The following STARD8 variants were observed in gnomAD, a reference collection of about 807,000 sequenced individuals.
STARD8 encodes the protein stAR-related lipid transfer protein 8.
STARD8 carries 25 observed loss-of-function variants against 69.4 expected under a neutral mutation model. The ratio of observed to expected loss-of-function variants is 0.36; its 90% CI spans 0.26 to 0.50. The LOEUF is 0.50. STARD8 is among the 20% of genes least tolerant of loss of function. The probability of loss-of-function intolerance (pLI) is 0.96; values close to 1 mark genes in which losing one functional copy is unlikely to be tolerated. For synonymous variants in STARD8, 389 were observed against 374.6 expected (o/e 1.04, Z -0.45); for missense variants, 921 against 932.5 (o/e 0.99, Z 0.16).
chrX:68,708,716 G>A (rs1272151676), intron 2 of STARD8, among the ~76,000 whole-genome samples: 1 of 112,258 alleles, frequency 8.9e-6, no homozygotes, highest in Non-Finnish European at 1.9e-5. Context: ...GACCTATCCT[G>A]GCACATCACC....
chrX:68,720,282 G>A lies in STARD8; in HGVS notation c.1908G>A (p.Met636Ile), dbSNP rs2080135548. 8.3e-7 allele frequency: 1 copy of A among 1,201,563 alleles called. No individual in the cohort carries two copies. Among genetic ancestry groups the A allele is most frequent in the South Asian group, 1.8e-5 (1 of 54,952 alleles). ...QGWVWSMPKF[M>I]RRNKTPDYRG... ...CAAACAGGTCAATGCCCAAGTTCATGAGGAGGAACAAGACCCCAGATTACC... is the reference window on the plus strand; with the variant it reads ...CAAACAGGTCAATGCCCAAGTTCATAAGGAGGAACAAGACCCCAGATTACC... Residue 636 changes from methionine to isoleucine, a missense_variant, in exon 8 of 15, where the codon ATG becomes ATA. Physicochemically the swap from Met to Ile is conservative, Grantham distance 10. Coordinates refer to ENST00000374599, the MANE Select transcript of STARD8 (RefSeq NM_001142503.3).
chrX:68,653,318 CCACA>C (rs1425820607), intron 1 of STARD8, among the ~76,000 whole-genome samples: 1 of 38,738 alleles, frequency 2.6e-5, no homozygotes, highest in Non-Finnish European at 4.8e-5. Context: ...ACACCACACA[CCACA>C]CACACACACC....
intron 1 of STARD8, 45 bp from the exon 2 acceptor site, chrX:68,665,454 T>C (rs2079677277): frequency 2.5e-6 from 3 of 1,185,930 alleles, no homozygotes; most frequent in Non-Finnish European, 3.4e-6. Context: ...AGTTCAGATA[T>C]TGCATCTCTG....
intron 1 of STARD8, among the ~76,000 whole-genome samples, chrX:68,661,990 TTCTTTCTTTCTTTC>T (rs2079652886): frequency 1.2e-5 from 1 of 86,106 alleles, no homozygotes; most frequent in Non-Finnish European, 2.2e-5. Flanking sequence ...CTTTCTTTCT[TTCTTTCTTTCTTTC>T]TTTCTTTCTT....
chrX:68,670,404 G>A (rs1200822119), intron 2 of STARD8, among the ~76,000 whole-genome samples: 1 of 111,774 alleles, frequency 8.9e-6, no homozygotes, highest in African/African-American at 3.3e-5. Context: ...ATTTCAAGGT[G>A]TTCTTTGGGA....
intron 1 of STARD8, among the ~76,000 whole-genome samples, chrX:68,665,275 T>C (rs913984021): frequency 2.7e-5 from 3 of 111,989 alleles, no homozygotes; most frequent in Non-Finnish European, 3.8e-5. Flanking sequence ...ACCAGCAGGA[T>C]CAGCCATGGG....
At chrX:68,657,186 G>A (rs1432239438) in intron 1 of STARD8, among the ~76,000 whole-genome samples, 3 of 111,512 alleles carry the variant, frequency 2.7e-5, no homozygotes, top group African/African-American at 9.8e-5. Context: ...GTACACTGGG[G>A]AGAATGATAA....
chrX:68,671,732 A>G, intron 2 of STARD8, among the ~76,000 whole-genome samples: 1 of 112,037 alleles, frequency 8.9e-6, no homozygotes, highest in East Asian at 2.8e-4. Context: ...TGTAAAACAC[A>G]TTTTCACCAA....
At chrX:68,717,069 C>G in intron 5 of STARD8, 143 bp from the exon 6 acceptor site, 2 of 975,297 alleles carry the variant, frequency 2.1e-6, no homozygotes, top group Non-Finnish European at 1.3e-6. Flanking sequence ...AGAGCTAGCT[C>G]TCCCCACCTA....
chrX:68,699,401 T>C (rs1291369137), intron 2 of STARD8, among the ~76,000 whole-genome samples: 2 of 112,554 alleles, frequency 1.8e-5, no homozygotes, highest in African/African-American at 6.5e-5. Context: ...TTCAAGCAAG[T>C]TGCTTTCGTC....
Position 68,724,117 on chromosome X carries a change from C to G in STARD8, c.3190C>G (p.Leu1064Val). 8.3e-7 allele frequency: 1 copy of G among 1,209,754 alleles called. No homozygotes were observed. Among genetic ancestry groups the G allele is most frequent in the South Asian group, 1.8e-5 (1 of 56,706 alleles). The stretch of plus-strand genomic sequence containing the variant: ...GCTCACACACATCTGCCGGGCTGAC[C>G]TCAGGTATCAGGCCTGGGACAGCCT... ...SRLTHICRADLRGRSPDWYNK... is the reference protein window; with the variant it reads ...SRLTHICRADVRGRSPDWYNK... The change falls in exon 14 of 15, where the codon CTC becomes GTC. Residue 1064 changes from leucine (L) to valine (V), a missense_variant. Transcript: ENST00000374599.
chrX:68,707,808 C>T (rs1014707254), intron 2 of STARD8, among the ~76,000 whole-genome samples: 1 of 111,517 alleles, frequency 9.0e-6, no homozygotes, highest in Admixed American at 9.5e-5. Context: ...GAACCCAGGA[C>T]CGGGCAGCTC....
Position 68,720,813 on chromosome X carries a change from G to T in STARD8, c.2050-111G>T, listed in dbSNP as rs1602616792. Reference sequence around the variant, plus strand: ...CCCCTCAGGAGGCCTGATAAGCTTTGAAGTCTCTGGGGTGGCCTAGGCTCC... The same window carrying T: ...CCCCTCAGGAGGCCTGATAAGCTTTTAAGTCTCTGGGGTGGCCTAGGCTCC... On this transcript the variant is annotated intron_variant, in intron 8 of 14. Coordinates refer to ENST00000374599, the MANE Select transcript of STARD8 (RefSeq NM_001142503.3). The T allele has an allele frequency of 8.3e-6, 6 of 721,747 alleles. No individual in the cohort carries two copies. The African/African-American group carries it at 1.3e-4, about 16-fold the overall frequency. The allele number at this position is 721,747 out of a possible 1,213,427, so 59.5% of individuals were successfully genotyped here.
intron 2 of STARD8, among the ~76,000 whole-genome samples, chrX:68,703,577 A>C (rs1238948648): frequency 8.9e-6 from 1 of 111,902 alleles, no homozygotes; most frequent in Non-Finnish European, 1.9e-5. Flanking sequence ...TCTCAGGCCC[A>C]TTTCCTTTCT....
chrX:68,651,000 T>C (rs1014684484), intron 1 of STARD8, among the ~76,000 whole-genome samples: 1 of 112,260 alleles, frequency 8.9e-6, no homozygotes, highest in African/African-American at 3.2e-5. Flanking sequence ...CATTCAAGTG[T>C]GCATACACAC....
chrX:68,695,376 C>T (rs1480162633), intron 2 of STARD8, among the ~76,000 whole-genome samples: 1 of 111,013 alleles, frequency 9.0e-6, no homozygotes, highest in Non-Finnish European at 1.9e-5. Context: ...ATTTTAGGGA[C>T]GTGGCCTTTT....
intron 1 of STARD8, among the ~76,000 whole-genome samples, chrX:68,657,129 C>T (rs1260099769): frequency 2.7e-5 from 3 of 111,844 alleles, no homozygotes; most frequent in African/African-American, 9.8e-5. Flanking sequence ...ATGTATAAAG[C>T]TCTTAGAAAA....
chrX:68,682,139 C>T (rs746533474), intron 2 of STARD8, among the ~76,000 whole-genome samples: 3 of 110,589 alleles, frequency 2.7e-5, no homozygotes, highest in Non-Finnish European at 5.7e-5. Context: ...GCTGGGACTA[C>T]AGGCGCACAC....
At chrX:68,661,852 C>T (rs772399739) in intron 1 of STARD8, among the ~76,000 whole-genome samples, 1 of 109,442 alleles carries the variant, frequency 9.1e-6, no homozygotes, top group Non-Finnish European at 1.9e-5. Flanking sequence ...ACTCTGGTCT[C>T]CCTTTGTTTT....
Sources: gnomAD v4.1 joint callset for allele counts (sites outside exome capture counted in the v4.1 genomes callset) on GRCh38, gnomAD v4.1.1 for gene constraint, MANE v1.5 for transcripts, NCBI Gene and HGNC (gene_info 2026-07-23, HGNC 2026-07-21) for gene names.